The following KIAA0040 variants were observed in gnomAD, a reference collection of about 807,000 sequenced individuals.
KIAA0040 encodes uncharacterized protein KIAA0040.
Under a neutral mutation model 7.2 loss-of-function variants are expected in KIAA0040, and 10 were observed. The ratio of observed to expected loss-of-function variants is 1.38; its 90% CI spans 0.85 to 2.34. KIAA0040 has a LOEUF of 2.34. Ranked by LOEUF, KIAA0040 falls within the 30% of genes most tolerant of loss-of-function variation. The probability of loss-of-function intolerance (pLI) is 0.00; values close to 1 mark genes in which losing one functional copy is unlikely to be tolerated. For synonymous variants in KIAA0040, 49 were observed against 40.1 expected (o/e 1.22, Z -0.84); for missense variants, 89 against 108.2 (o/e 0.82, Z 0.79).
chr1:175,183,288 T>C (rs574140482), intron 1 of KIAA0040, among the ~76,000 whole-genome samples: 12 of 152,328 alleles, frequency 7.9e-5, no homozygotes, highest in Admixed American at 2.0e-4. Context: ...TGCTGGCACA[T>C]ATTAGATGTA....
In KIAA0040 at chr1:175,175,586, T is replaced by C. The variant is rs59372839; in HGVS notation, c.-310+2025A>G. Among the ~76,000 whole-genome samples, 170 of 152,212 alleles carry C rather than the reference T, an allele frequency of 1.1e-3. 1 individual carries two copies. The East Asian group carries it at 0.022, about 20-fold the overall frequency. On this transcript the variant is annotated intron_variant, in intron 2 of 3. Transcript: ENST00000423313. ...AAAGACACATGCACATGTATGTTCA[T>C]TGTGGCACTATTCACAATAGCAAAG...
At chr1:175,183,344 G>A (rs1164162770) in intron 1 of KIAA0040, among the ~76,000 whole-genome samples, 1 of 152,206 alleles carries the variant, frequency 6.6e-6, no homozygotes, top group African/African-American at 2.4e-5. Context: ...ATGATCTGGG[G>A]AGATGAGAAA....
chr1:175,178,061 C>T (rs1677275059), intron 1 of KIAA0040, among the ~76,000 whole-genome samples: 1 of 152,232 alleles, frequency 6.6e-6, no homozygotes, highest in South Asian at 2.1e-4. Context: ...GGGAGGTCTT[C>T]CTGCCTCCAA....
At chr1:175,190,295 T>C (rs1258038806) in intron 1 of KIAA0040, among the ~76,000 whole-genome samples, 1 of 152,250 alleles carries the variant, frequency 6.6e-6, no homozygotes, top group Non-Finnish European at 1.5e-5. Flanking sequence ...CAACATATGA[T>C]ATGAAAATAT....
rs544362907 is a variant in KIAA0040 at position 175,177,166 on chromosome 1, G to A, written c.-310+445C>T. ...CTGGGCTCTCCATGATGTGGCCTCAGGGCTGAGCTGTCTGCAGGCCGACCA... is the reference window on the plus strand; with the variant it reads ...CTGGGCTCTCCATGATGTGGCCTCAAGGCTGAGCTGTCTGCAGGCCGACCA... On this transcript the variant is annotated intron_variant, in intron 2 of 3. Coordinates refer to ENST00000423313, the MANE Select transcript of KIAA0040 (RefSeq NM_014656.3). Among the ~76,000 whole-genome samples the A allele has an allele frequency of 2.0e-5, 3 of 152,326 alleles. No individual in the cohort carries two copies. The East Asian group carries it at 5.8e-4, about 29-fold the overall frequency.
At chr1:175,171,891 T>G (rs890946694) in intron 2 of KIAA0040, among the ~76,000 whole-genome samples, 1 of 152,206 alleles carries the variant, frequency 6.6e-6, no homozygotes, top group East Asian at 1.9e-4. Context: ...AATCAAGTAT[T>G]AATTAAGACG....
In KIAA0040 at chr1:175,157,669, T is replaced by A. The variant is rs1676338494; in HGVS notation, c.*3045A>T. The stretch of plus-strand genomic sequence containing the variant: ...CTTGGAAAGGTGGCTGCCATTTTTC[T>A]ACCTTTCTCCCTCCCTGCTCCCCCC... On this transcript the variant is annotated 3_prime_UTR_variant, in exon 4 of 4. Coordinates refer to ENST00000423313, the MANE Select transcript of KIAA0040 (RefSeq NM_014656.3). The A allele has an allele frequency of 6.6e-6, 1 of 152,132 alleles. No homozygotes were observed. The highest frequency in any genetic ancestry group is 2.4e-5 in the African/African-American group (1 of 41,430). The allele number at this position is 152,132 out of a possible 1,614,324, so 9.4% of individuals were successfully genotyped here. A position where few individuals can be genotyped will look rare whatever the true frequency, so the allele number is the denominator to read the frequency against.
chr1:175,171,328 T>A (rs556484690), intron 2 of KIAA0040, among the ~76,000 whole-genome samples: 1 of 152,302 alleles, frequency 6.6e-6, no homozygotes, highest in South Asian at 2.1e-4. Flanking sequence ...TCTTCCTCCA[T>A]TAGAACATAA....
intron 1 of KIAA0040, among the ~76,000 whole-genome samples, chr1:175,184,355 G>A (rs1264898119): frequency 1.3e-5 from 2 of 152,156 alleles, no homozygotes; most frequent in African/African-American, 2.4e-5. Flanking sequence ...GGCATTGGCC[G>A]ACCTCACACG....
intron 2 of KIAA0040, among the ~76,000 whole-genome samples, chr1:175,174,233 C>A (rs1395958130): frequency 6.6e-6 from 1 of 152,198 alleles, no homozygotes; most frequent in Non-Finnish European, 1.5e-5. Flanking sequence ...AAAGGCAAGC[C>A]TCACATAGCA....
At chr1:175,174,951 A>T (rs766606020) in intron 2 of KIAA0040, among the ~76,000 whole-genome samples, 2 of 152,116 alleles carry the variant, frequency 1.3e-5, no homozygotes, top group Non-Finnish European at 2.9e-5. Context: ...AGGATTTTGG[A>T]GCCAATGTTT....
At chr1:175,186,007 G>T (rs1473739479) in intron 1 of KIAA0040, among the ~76,000 whole-genome samples, 7 of 152,224 alleles carry the variant, frequency 4.6e-5, no homozygotes, top group Non-Finnish European at 7.3e-5. Context: ...GTAGGATGCA[G>T]ATTGGTGGTT....
intron 1 of KIAA0040, among the ~76,000 whole-genome samples, chr1:175,190,930 A>G (rs1677843769): frequency 6.6e-6 from 1 of 152,160 alleles, no homozygotes; most frequent in Non-Finnish European, 1.5e-5. Flanking sequence ...TCCTTTGTTC[A>G]AAACACACTT....
chr1:175,179,135 C>T (rs566275233), intron 1 of KIAA0040, among the ~76,000 whole-genome samples: 31 of 151,904 alleles, frequency 2.0e-4, no homozygotes, highest in African/African-American at 6.5e-4. Context: ...GTACAGAGTT[C>T]GAGATGGGTA....
intron 1 of KIAA0040, among the ~76,000 whole-genome samples, chr1:175,183,430 C>A (rs1677523690): frequency 6.6e-6 from 1 of 152,166 alleles, no homozygotes; most frequent in East Asian, 1.9e-4. Flanking sequence ...ACTTCTGGCA[C>A]CCCAAGCTCT....
In KIAA0040 at chr1:175,161,017, G is replaced by A. The variant is rs1676520856; in HGVS notation, c.-4C>T. ...AGAAGGCACTGATTCTCTCCATGGTGCTTGGCTAGATTAGGGCCAGAGAAC... is the reference window on the plus strand; with the variant it reads ...AGAAGGCACTGATTCTCTCCATGGTACTTGGCTAGATTAGGGCCAGAGAAC... On this transcript the variant is annotated 5_prime_UTR_variant, in exon 4 of 4. Coordinates refer to ENST00000423313, the MANE Select transcript of KIAA0040 (RefSeq NM_014656.3). 3.2e-6 allele frequency: 5 copies of A among 1,547,564 alleles called. No homozygotes were observed. The highest frequency in any genetic ancestry group is 4.4e-6 in the Non-Finnish European group (5 of 1,144,934).
intron 2 of KIAA0040, among the ~76,000 whole-genome samples, chr1:175,172,720 C>G (rs368548207): frequency 6.6e-6 from 1 of 152,182 alleles, no homozygotes; most frequent in Non-Finnish European, 1.5e-5. Flanking sequence ...TTATTCACTG[C>G]GTTACATCAT....
chr1:175,173,535 A>C (rs1373016173), intron 2 of KIAA0040, among the ~76,000 whole-genome samples: 1 of 152,230 alleles, frequency 6.6e-6, no homozygotes, highest in Non-Finnish European at 1.5e-5. Context: ...ACTCAAGCGC[A>C]GAAAGACGTT....
chr1:175,183,462 T>C (rs956681638), intron 1 of KIAA0040, among the ~76,000 whole-genome samples: 7 of 152,210 alleles, frequency 4.6e-5, no homozygotes, highest in Non-Finnish European at 8.8e-5. Flanking sequence ...AAGCTTCTTG[T>C]AGGCCCCTGC....
Sources: allele counts gnomAD v4.1 joint callset (sites outside exome capture counted in the v4.1 genomes callset), GRCh38; gene constraint gnomAD v4.1.1; transcripts MANE v1.5; gene names NCBI Gene and HGNC (gene_info 2026-07-23, HGNC 2026-07-21).